Variants in CUX2 observed in about 807,000 individuals in gnomAD.
CUX2 encodes cut like homeobox 2.
A neutral mutation model predicts 144.8 loss-of-function variants in CUX2; 40 were observed. The observed-to-expected ratio is 0.28, with a 90% CI of 0.21 to 0.36. CUX2 has a LOEUF of 0.36. CUX2 is among the 10% of genes least tolerant of loss of function. CUX2 has a pLI of 1.00. For missense variants in CUX2, 1,615 were observed against 1,994.0 expected (o/e 0.81, Z 3.62); for synonymous variants, 827 against 875.6 (o/e 0.94, Z 0.98).
In CUX2 at chr12:111,320,191, C is replaced by A; in HGVS notation, c.2182C>A (p.Pro728Thr). ...PRGRSVPPSP[P>T]ERPSLATASQ... is the part of the protein sequence containing the mutation. Reference sequence around the variant, plus strand: ...GGGCCGCTCGGTGCCCCCCTCGCCCCCGGAGCGGCCATCACTGGCCACCGC... The same window carrying A: ...GGGCCGCTCGGTGCCCCCCTCGCCCACGGAGCGGCCATCACTGGCCACCGC... Residue 728 changes from proline (P) to threonine (T), a missense_variant, in exon 17 of 22, where the codon CCG (proline) becomes ACG (threonine). Pro to Thr is a conservative substitution (Grantham distance 38). Around this residue, in one of 12 missense-constraint regions of CUX2, gnomAD observed 390 missense variants for 387.1 expected, o/e 1.01. Transcript: ENST00000261726. The surrounding 1 kb of genome is among the most constrained non-coding windows in gnomAD (Gnocchi z 8.1). The A allele has an allele frequency of 6.5e-7, 1 of 1,532,814 alleles. No homozygotes were observed. The highest frequency in any genetic ancestry group is 2.4e-5 in the East Asian group (1 of 41,314). The allele number at this position is 1,532,814 out of a possible 1,614,324, so 95.0% of individuals were successfully genotyped here.
At chr12:111,342,494 A>T (rs1482606738) in intron 21 of CUX2, among the ~76,000 whole-genome samples, 3 of 151,818 alleles carry the variant, frequency 2.0e-5, no homozygotes, top group African/African-American at 4.8e-5. Context: ...AAAAAAATTT[A>T]AAACACAGGC....
chr12:111,231,611 A>G (rs1882465160), intron 3 of CUX2, among the ~76,000 whole-genome samples: 2 of 152,358 alleles, frequency 1.3e-5, no homozygotes, highest in African/African-American at 4.8e-5. Flanking sequence ...CTTTGTAAAT[A>G]AAGTTTTATT....
intron 4 of CUX2, among the ~76,000 whole-genome samples, chr12:111,278,749 TTCTC>T (rs1324697124): frequency 6.6e-6 from 1 of 152,182 alleles, no homozygotes; most frequent in African/African-American, 2.4e-5. Flanking sequence ...TTTTTGTCAT[TTCTC>T]TCTCTTTCAA....
chr12:111,203,134 A>C (rs952232417), intron 1 of CUX2, among the ~76,000 whole-genome samples: 2 of 150,634 alleles, frequency 1.3e-5, no homozygotes, highest in African/African-American at 4.9e-5. Context: ...CAGGAGGCTG[A>C]GGCAGGAGAA....
chr12:111,184,300 C>T lies in CUX2; in HGVS notation c.64-29900C>T, dbSNP rs565779392. On this transcript the variant is annotated intron_variant, in intron 1 of 21. Coordinates refer to ENST00000261726, the MANE Select transcript of CUX2 (RefSeq NM_015267.4). ...GGAAAAAACCTAAGTATCCATGAGTCGGGGATTGGAAGTAACCTGTTTCCA... is the reference window on the plus strand; with the variant it reads ...GGAAAAAACCTAAGTATCCATGAGTTGGGGATTGGAAGTAACCTGTTTCCA... 4.5e-4 allele frequency among the ~76,000 whole-genome samples: 69 copies of T among 151,954 alleles called. 1 individual carries two copies. The highest frequency in any genetic ancestry group is 1.4e-3 in the African/African-American group (56 of 41,406).
At chr12:111,193,702 G>A (rs942906109) in intron 1 of CUX2, among the ~76,000 whole-genome samples, 2 of 152,174 alleles carry the variant, frequency 1.3e-5, no homozygotes, top group Admixed American at 1.3e-4. Context: ...GGGGGCTGCC[G>A]GCTGGGCCTG....
rs1886947120 is a variant in CUX2 at position 111,312,254 on chromosome 12, CAGG to C, written c.2002+56_2002+58del. 1 of 1,478,118 alleles carries C rather than the reference CAGG, an allele frequency of 6.8e-7. No homozygotes were observed. Among genetic ancestry groups the C allele is most frequent in the Non-Finnish European group, 9.3e-7 (1 of 1,080,976 alleles). 91.6% of individuals were successfully genotyped at this position (1,478,118 alleles called of 1,614,324 possible). On this transcript the variant is annotated intron_variant, in intron 16 of 21. Coordinates refer to ENST00000261726, the MANE Select transcript of CUX2 (RefSeq NM_015267.4). This position sits in a 1 kb window ranked among gnomAD's most constrained non-coding sequence, Gnocchi z 4.3. Reference sequence around the variant, plus strand: ...TGAGGCCCCCGGGGCCAGCTGCGAACAGGAGATGAGGCTTCGTCTACCTTTGTC... The same window carrying C: ...TGAGGCCCCCGGGGCCAGCTGCGAACAGATGAGGCTTCGTCTACCTTTGTC...
intron 4 of CUX2, among the ~76,000 whole-genome samples, chr12:111,274,522 A>T (rs1884770644): frequency 6.6e-6 from 1 of 151,914 alleles, no homozygotes; most frequent in South Asian, 2.1e-4. Context: ...AAGAAAGAAG[A>T]CCCTCATTCC....
rs1208505945 is a variant in CUX2 at position 111,224,451 on chromosome 12, C to CTTTGGTT, written c.222+6514_222+6515insTTTGGTT. Among the ~76,000 whole-genome samples the CTTTGGTT allele has an allele frequency of 1.1e-4, 17 of 152,030 alleles. No individual in the cohort carries two copies. In the South Asian group the frequency reaches 3.6e-3, roughly 32 times the overall value. On this transcript the variant is annotated intron_variant, in intron 3 of 21. Transcript: ENST00000261726. ...CGTCCTTCTTTGGTTCCTGTGCCCC[C>CTTTGGTT]CTTCTGCTCCGTGTCTGCCTGCAAA...
At chr12:111,288,894 C>T (rs1332811005) in intron 4 of CUX2, among the ~76,000 whole-genome samples, 2 of 152,004 alleles carry the variant, frequency 1.3e-5, no homozygotes, top group East Asian at 1.9e-4. Flanking sequence ...ACTCAGGAGG[C>T]GGAGGTTACA....
chr12:111,330,799 T>A (rs1285634900), intron 18 of CUX2, among the ~76,000 whole-genome samples: 7 of 139,374 alleles, frequency 5.0e-5, no homozygotes, highest in Non-Finnish European at 9.4e-5. Context: ...ACACTGGGCA[T>A]GTAGTAAGTA....
rs1878522577 is a variant in CUX2 at position 111,171,532 on chromosome 12, TC to T, written c.64-42665del. On this transcript the variant is annotated intron_variant, in intron 1 of 21. Transcript: ENST00000261726. The surrounding 1 kb of genome is among the most constrained non-coding windows in gnomAD (Gnocchi z 5.0). Reference sequence around the variant, plus strand: ...CTTGTGGGGAAACCCCGGTCCCGTGTCCCTGTGCACGCAGATGGCTAGTGGC... The same window carrying T: ...CTTGTGGGGAAACCCCGGTCCCGTGTCCTGTGCACGCAGATGGCTAGTGGC... 6.6e-6 allele frequency among the ~76,000 whole-genome samples: 1 copy of T among 152,166 alleles called. No homozygotes were observed. Among genetic ancestry groups the T allele is most frequent in the African/African-American group, 2.4e-5 (1 of 41,436 alleles).
Position 111,145,830 on chromosome 12 carries a change from C to A in CUX2, c.64-68370C>A, listed in dbSNP as rs145269401. Among the ~76,000 whole-genome samples, 758 of 150,734 alleles carry A rather than the reference C, an allele frequency of 5.0e-3. 3 individuals carry two copies. The highest frequency in any genetic ancestry group is 0.018 in the African/African-American group (721 of 40,138). ...TACAGCCATGCGCCACCACACCCAG[C>A]TTTTTTGTTTGTTTGTTTGTTTGTT... On this transcript the variant is annotated intron_variant, in intron 1 of 21. Coordinates refer to ENST00000261726, the MANE Select transcript of CUX2 (RefSeq NM_015267.4).
intron 1 of CUX2, among the ~76,000 whole-genome samples, chr12:111,054,348 T>C (rs1029717149): frequency 2.0e-5 from 3 of 152,116 alleles, no homozygotes; most frequent in African/African-American, 7.2e-5. Flanking sequence ...GTGTGAGTTA[T>C]AATAGCAACC....
At chr12:111,062,061 C>T (rs1413211526) in intron 1 of CUX2, among the ~76,000 whole-genome samples, 11 of 152,336 alleles carry the variant, frequency 7.2e-5, no homozygotes, top group East Asian at 3.9e-4. Context: ...TGTTCTAGCA[C>T]GGAGTAAGTG....
intron 10 of CUX2, among the ~76,000 whole-genome samples, chr12:111,305,354 A>G (rs750323491): frequency 2.6e-5 from 4 of 152,150 alleles, no homozygotes; most frequent in Non-Finnish European, 4.4e-5. Flanking sequence ...TGACACCCAC[A>G]TATACAGGCC....
intron 4 of CUX2, among the ~76,000 whole-genome samples, chr12:111,264,778 G>A (rs1884296627): frequency 6.6e-6 from 1 of 152,144 alleles, no homozygotes; most frequent in African/African-American, 2.4e-5. Flanking sequence ...TGTGATATGT[G>A]CTTCAGTGAA....
At position 111,151,895 on chromosome 12, in the gene CUX2, C is replaced by T. The variant is rs1488373110; in HGVS notation, c.64-62305C>T. Reference sequence around the variant, plus strand: ...CATTCGAGTATTTACTGAGGACCTACTGTGAACCAAGGCCGTCAGTGACCC... The same window carrying T: ...CATTCGAGTATTTACTGAGGACCTATTGTGAACCAAGGCCGTCAGTGACCC... On this transcript the variant is annotated intron_variant, in intron 1 of 21. Transcript: ENST00000261726. Among the ~76,000 whole-genome samples, 3 of 152,180 alleles carry T rather than the reference C, an allele frequency of 2.0e-5. No homozygotes were observed. In the East Asian group the frequency reaches 5.8e-4, roughly 29 times the overall value.
At chr12:111,137,371 ATGT>A (rs1420036824) in intron 1 of CUX2, among the ~76,000 whole-genome samples, 1 of 148,084 alleles carries the variant, frequency 6.8e-6, no homozygotes, top group Admixed American at 6.6e-5. Flanking sequence ...TTGTTTGTTG[ATGT>A]TGTCGTTGTT....
Sources: gnomAD v4.1 joint callset for allele counts (sites outside exome capture counted in the v4.1 genomes callset) on GRCh38, gnomAD v4.1.1 for gene constraint, gnomAD v4.1.1 regional missense constraint, Gnocchi (gnomAD v3.1) non-coding constraint, MANE v1.5 for transcripts, NCBI Gene and HGNC (gene_info 2026-07-23, HGNC 2026-07-21) for gene names.